Variants in RREB1 observed in about 807,000 individuals in gnomAD.
The protein encoded by RREB1 is ras-responsive element-binding protein 1.
In RREB1, 27 loss-of-function variants were observed where a neutral mutation model predicts 117.8. The observed-to-expected ratio is 0.23, with a 90% CI of 0.17 to 0.32. RREB1 has a LOEUF of 0.32. Among genes scored for constraint, RREB1 ranks in the 10% least tolerant of loss-of-function variants. The pLI, the probability that RREB1 is intolerant of heterozygous loss-of-function variation, is 1.00. For synonymous variants in RREB1, 1,298 were observed against 1,026.7 expected, an observed-to-expected ratio of 1.26 and a Z score of -5.05; for missense variants, 2,577 against 2,378.2, an observed-to-expected ratio of 1.08 and a Z score of -1.74.
intron 10 of RREB1, among the ~76,000 whole-genome samples, chr6:7,232,731 A>AT (rs1480171898): frequency 1.3e-5 from 2 of 150,466 alleles, no homozygotes; most frequent in Non-Finnish European, 3.0e-5. Flanking sequence ...TGTCAAAGTG[A>AT]TACCCCAAAA....
chr6:7,121,221 A>G (rs1346496552), intron 1 of RREB1, among the ~76,000 whole-genome samples: 1 of 152,058 alleles, frequency 6.6e-6, no homozygotes, highest in Non-Finnish European at 1.5e-5. Context: ...TGGCCTTCCA[A>G]AATGCTGGGA....
At chr6:7,143,146 T>C (rs1762697410) in intron 1 of RREB1, among the ~76,000 whole-genome samples, 1 of 152,248 alleles carries the variant, frequency 6.6e-6, no homozygotes. Flanking sequence ...CATCTGATGC[T>C]GGCTGGCTTG....
intron 1 of RREB1, among the ~76,000 whole-genome samples, chr6:7,119,386 A>T (rs1452973942): frequency 6.6e-6 from 1 of 152,050 alleles, no homozygotes; most frequent in Non-Finnish European, 1.5e-5. Flanking sequence ...AGCAACTAAG[A>T]AGTCATTTTT....
intron 1 of RREB1, among the ~76,000 whole-genome samples, chr6:7,148,262 C>T (rs1330171090): frequency 6.6e-6 from 1 of 152,128 alleles, no homozygotes; most frequent in Non-Finnish European, 1.5e-5. Flanking sequence ...CACCTTGTCT[C>T]ACATTTTCCA....
chr6:7,230,401 C>T lies in RREB1; in HGVS notation c.2302C>T (p.Leu768=), dbSNP rs762544651. ...CGAGGACCTCAAGCACTATCGTGCC[C>T]TGCGCATCCACATGCGCACGCACTG... The part of the protein sequence containing the change: ...CGEDLKHYRA[L]RIHMRTHCGR... Residue 768 remains leucine (L), a synonymous_variant, in exon 10 of 13, where the codon CTG becomes TTG. Coordinates refer to ENST00000379938, the MANE Select transcript of RREB1 (RefSeq NM_001003699.4). 28 of 1,592,066 alleles carry T rather than the reference C, an allele frequency of 1.8e-5. No individual in the cohort carries two copies. Among genetic ancestry groups the T allele is most frequent in the East Asian group, 6.7e-5 (3 of 44,666 alleles).
intron 1 of RREB1, among the ~76,000 whole-genome samples, chr6:7,114,847 A>G (rs558724033): frequency 6.6e-6 from 1 of 152,346 alleles, no homozygotes; most frequent in Non-Finnish European, 1.5e-5. Flanking sequence ...ATCTACTTCT[A>G]AAACAAACTA....
intron 1 of RREB1, among the ~76,000 whole-genome samples, chr6:7,173,526 C>G (rs921650701): frequency 6.6e-6 from 1 of 151,552 alleles, no homozygotes; most frequent in Non-Finnish European, 1.5e-5. Context: ...AAAGAACTCT[C>G]AGGTTTTTGC....
intron 8 of RREB1, among the ~76,000 whole-genome samples, chr6:7,220,393 C>G (rs961610391): frequency 5.3e-5 from 8 of 152,104 alleles, no homozygotes; most frequent in Non-Finnish European, 7.4e-5. Flanking sequence ...TAACCTTAAT[C>G]TGTCATTTGG....
At chr6:7,207,287 T>C (rs1766330599) in intron 6 of RREB1, among the ~76,000 whole-genome samples, 1 of 152,366 alleles carries the variant, frequency 6.6e-6, no homozygotes, top group Middle Eastern at 3.4e-3. Context: ...AATTCATATC[T>C]CTAGTGCTCA....
Position 7,249,017 on chromosome 6 carries a change from C to T in RREB1, c.*49C>T. On this transcript the variant is annotated 3_prime_UTR_variant, in exon 13 of 13. Transcript: ENST00000379938. ...GACAAAAGCCAGCAGAGCAAAGCGT[C>T]TATACTTCATGGGGTTTCCTCAGTG... The T allele has an allele frequency of 1.4e-6, 2 of 1,387,726 alleles. No homozygotes were observed. Among genetic ancestry groups the T allele is most frequent in the Non-Finnish European group, 1.9e-6 (2 of 1,056,336 alleles). The allele number at this position is 1,387,726 out of a possible 1,614,324, so 86.0% of individuals were successfully genotyped here.
chr6:7,196,231 GT>G (rs1179803646), intron 6 of RREB1, among the ~76,000 whole-genome samples: 88 of 83,750 alleles, frequency 1.1e-3, no homozygotes, highest in Admixed American at 2.0e-3. Flanking sequence ...TTTTTTTTTT[GT>G]TTTTTTTTTT....
At chr6:7,113,250 G>C (rs1761236426) in intron 1 of RREB1, among the ~76,000 whole-genome samples, 1 of 152,194 alleles carries the variant, frequency 6.6e-6, no homozygotes, top group African/African-American at 2.4e-5. Context: ...TTGTCAGACA[G>C]CCAGAGTGAA....
chr6:7,133,126 G>A (rs372972964), intron 1 of RREB1, among the ~76,000 whole-genome samples: 3 of 152,142 alleles, frequency 2.0e-5, no homozygotes, highest in Non-Finnish European at 4.4e-5. Context: ...TGCACTGGAA[G>A]GGGCCTCAGG....
At chr6:7,216,012 C>G (rs1282886335) in intron 8 of RREB1, 4 of 152,240 alleles carry the variant, frequency 2.6e-5, no homozygotes, top group African/African-American at 7.2e-5. Context: ...GAGGGTGAAA[C>G]TCGGCCAAAG....
chr6:7,205,636 G>A (rs1337958422), intron 6 of RREB1, among the ~76,000 whole-genome samples: 1 of 152,188 alleles, frequency 6.6e-6, no homozygotes, highest in Non-Finnish European at 1.5e-5. Context: ...GAAAGTTCCT[G>A]TATTTGGAAC....
chr6:7,110,479 G>GGTGTGTGTGTGTGTGTGTGTGTGT (rs111267508), intron 1 of RREB1, among the ~76,000 whole-genome samples: 57 of 149,622 alleles, frequency 3.8e-4, no homozygotes, highest in African/African-American at 1.2e-3. Flanking sequence ...TTTTAGGGGT[G>GGTGTGTGTGTGTGTGTGTGTGTGT]GTGTGTGTGT....
At chr6:7,198,277 G>C (rs1765765605) in intron 6 of RREB1, among the ~76,000 whole-genome samples, 1 of 152,156 alleles carries the variant, frequency 6.6e-6, no homozygotes, top group Non-Finnish European at 1.5e-5. Flanking sequence ...CTGCAGGAAG[G>C]AAAGTATCAG....
chr6:7,225,308 C>T (rs932718748), intron 8 of RREB1, among the ~76,000 whole-genome samples: 4 of 152,216 alleles, frequency 2.6e-5, no homozygotes, highest in African/African-American at 9.7e-5. Flanking sequence ...TGGAAACATA[C>T]TGTGTCTGTG....
intron 10 of RREB1, among the ~76,000 whole-genome samples, chr6:7,232,640 T>C (rs1768070052): frequency 6.6e-6 from 1 of 152,142 alleles, no homozygotes; most frequent in African/African-American, 2.4e-5. Flanking sequence ...CCCCTACGAC[T>C]GCTCCATGGA....
Sources: allele counts gnomAD v4.1 joint callset (sites outside exome capture counted in the v4.1 genomes callset), GRCh38; gene constraint gnomAD v4.1.1; transcripts MANE v1.5; gene names NCBI Gene and HGNC (gene_info 2026-07-23, HGNC 2026-07-21).